The following GRPEL1 variants were observed in gnomAD, a reference collection of about 807,000 sequenced individuals.
The protein encoded by GRPEL1 is grpE protein homolog 1, mitochondrial.
In GRPEL1, 13 loss-of-function variants were observed where a neutral mutation model predicts 22.1. The ratio of observed to expected loss-of-function variants is 0.59; its 90% CI spans 0.38 to 0.94. The LOEUF is 0.94. GRPEL1 is among the 40% of genes least tolerant of loss of function. GRPEL1 has a pLI of 0.00. For synonymous variants in GRPEL1, 109 were observed against 105.3 expected, an observed-to-expected ratio of 1.03 and a Z score of -0.21; for missense variants, 289 against 264.6, an observed-to-expected ratio of 1.09 and a Z score of -0.64.
At chr4:7,065,177 G>A (rs187618621) in intron 1 of GRPEL1, among the ~76,000 whole-genome samples, 189 of 151,944 alleles carry the variant, frequency 1.2e-3, no homozygotes, top group African/African-American at 4.4e-3. Flanking sequence ...CAGAGATCTT[G>A]CAAAAAAAAG....
intron 1 of GRPEL1, among the ~76,000 whole-genome samples, chr4:7,065,999 G>A (rs1479040023): frequency 2.0e-5 from 3 of 152,016 alleles, no homozygotes; most frequent in South Asian, 2.1e-4. Context: ...GACTATAGGC[G>A]TCCACCAACA....
At chr4:7,062,020 TAACAAA>T (rs1399328748) in intron 3 of GRPEL1, 3 of 156,588 alleles carry the variant, frequency 1.9e-5, no homozygotes, top group Non-Finnish European at 2.8e-5. Flanking sequence ...GGAAGGACAG[TAACAAA>T]AACATCCAAA....
intron 1 of GRPEL1, among the ~76,000 whole-genome samples, chr4:7,066,254 C>G (rs1325556885): frequency 6.6e-6 from 1 of 152,220 alleles, no homozygotes; most frequent in African/African-American, 2.4e-5. Context: ...TTTATTGCAG[C>G]ACTGCGAGCG....
At position 7,064,202 on chromosome 4, in the gene GRPEL1, G is replaced by A. The variant is rs771616178; in HGVS notation, c.84C>T (p.Cys28=). The A allele has an allele frequency of 6.2e-7, 1 of 1,613,636 alleles. No individual in the cohort carries two copies. Among genetic ancestry groups the A allele is most frequent in the Non-Finnish European group, 8.5e-7 (1 of 1,179,732 alleles). The change falls in exon 2 of 4, where the codon TGC becomes TGT. Residue 28 remains cysteine, a synonymous_variant. Coordinates refer to ENST00000264954, the MANE Select transcript of GRPEL1 (RefSeq NM_025196.4). ...CACTGTTCTTTTGTTTCGTGGCTGT[G>A]CACAACAACCGGGGAGATGGCCTAC... The part of the protein sequence containing the change: ...LSLRPSPRLL[C]TATKQKNSGQ...
At chr4:7,066,855 T>C (rs140276717) in intron 1 of GRPEL1, among the ~76,000 whole-genome samples, 71 of 152,370 alleles carry the variant, frequency 4.7e-4, no homozygotes, top group African/African-American at 1.6e-3. Context: ...CTTTCCCTAG[T>C]TGAGCATCTT....
intron 2 of GRPEL1, 21 bp from the exon 3 acceptor site, chr4:7,062,487 T>G (rs9291128): frequency 0.91 from 902,578 of 988,970 alleles, 414,317 homozygotes; most frequent in South Asian, 0.95. Context: ...AAAAAAGGGA[T>G]ATTTATATAT....
chr4:7,064,789 G>A (rs3857178), intron 1 of GRPEL1, among the ~76,000 whole-genome samples: 106,096 of 152,050 alleles, frequency 0.7, 38,172 homozygotes, highest in South Asian at 0.81. Flanking sequence ...GTGAGCCACC[G>A]CGCCTGGCCT....
Position 7,059,212 on chromosome 4 carries a change from T to G in GRPEL1, c.*1650A>C, listed in dbSNP as rs1050535582. On this transcript the variant is annotated 3_prime_UTR_variant, in exon 4 of 4. Coordinates refer to ENST00000264954, the MANE Select transcript of GRPEL1 (RefSeq NM_025196.4). ...TTGAAACAATTCTGGTTCTAAGCAT[T>G]TCAGATGATAACCAACTTATAGTGA... 2.0e-5 allele frequency: 3 copies of G among 152,190 alleles called. No individual in the cohort carries two copies. The highest frequency in any genetic ancestry group is 2.0e-4 in the Admixed American group (3 of 15,292). The allele number at this position is 152,190 out of a possible 1,614,324, so 9.4% of individuals were successfully genotyped here. A position where few individuals can be genotyped will look rare whatever the true frequency, so the allele number is the denominator to read the frequency against.
At position 7,059,908 on chromosome 4, in the gene GRPEL1, G is replaced by A. The variant is rs1388801541; in HGVS notation, c.*954C>T. ...TGTGGCTCTCCCTTTCTGTGTAGAAGCCTGTATATGTGTGTACGTGAATGT... is the reference window on the plus strand; with the variant it reads ...TGTGGCTCTCCCTTTCTGTGTAGAAACCTGTATATGTGTGTACGTGAATGT... On this transcript the variant is annotated 3_prime_UTR_variant, in exon 4 of 4. Transcript: ENST00000264954. The A allele has an allele frequency of 1.3e-5, 2 of 152,184 alleles. No individual in the cohort carries two copies. The highest frequency in any genetic ancestry group is 2.9e-5 in the Non-Finnish European group (2 of 68,030). 9.4% of individuals were successfully genotyped at this position (152,184 alleles called of 1,614,324 possible). A position where few individuals can be genotyped will look rare whatever the true frequency, so the allele number is the denominator to read the frequency against.
intron 2 of GRPEL1, 116 bp downstream of exon 2, chr4:7,063,945 G>A: frequency 8.2e-7 from 1 of 1,219,104 alleles, no homozygotes; most frequent in South Asian, 1.7e-5. Context: ...GCAGGCCATG[G>A]ACAACGGCTT....
rs1724102499 is a variant in GRPEL1 at position 7,064,066 on chromosome 4, T to C, written c.220A>G (p.Thr74Ala). The C allele has an allele frequency of 6.2e-7, 1 of 1,613,922 alleles. No individual in the cohort carries two copies. The highest frequency in any genetic ancestry group is 8.5e-7 in the Non-Finnish European group (1 of 1,179,906). Residue 74 changes from threonine (T) to alanine (A), a missense_variant, in exon 2 of 4, where the codon ACT becomes GCT. Coordinates refer to ENST00000264954, the MANE Select transcript of GRPEL1 (RefSeq NM_025196.4). The stretch of plus-strand genomic sequence containing the variant: ...AGGAGCCTCACAGTCCTCACCACAG[T>C]CTCCTTCAGCTGTTCCTCCAACTTG... The part of the protein sequence containing the change: ...KVKLEEQLKE[T>A]VEKYKRALAD...
intron 1 of GRPEL1, among the ~76,000 whole-genome samples, chr4:7,065,922 C>T (rs1174235066): frequency 2.7e-5 from 4 of 149,366 alleles, no homozygotes; most frequent in East Asian, 2.0e-4. Context: ...GGTGCCATCT[C>T]GGCTCACTGC....
rs1183564194 is a variant in GRPEL1, at chr4:7,059,035, G to A, written c.*1827C>T. The A allele has an allele frequency of 1.3e-5, 2 of 152,194 alleles. No individual in the cohort carries two copies. 9.4% of individuals were successfully genotyped at this position (152,194 alleles called of 1,614,324 possible). A position where few individuals can be genotyped will look rare whatever the true frequency, so the allele number is the denominator to read the frequency against. ...CAGGCTACATACACCATATAGCCTA[G>A]GTGTGGAGGAGGCTCCACCACCTGT... On this transcript the variant is annotated 3_prime_UTR_variant, in exon 4 of 4. Coordinates refer to ENST00000264954, the MANE Select transcript of GRPEL1 (RefSeq NM_025196.4).
intron 2 of GRPEL1, 56 bp downstream of exon 2, chr4:7,064,005 C>T (rs1363310618): frequency 1.9e-6 from 3 of 1,565,246 alleles, no homozygotes; most frequent in African/African-American, 1.4e-5. Flanking sequence ...TTTATGTGGC[C>T]CAGGAGAGAA....
chr4:7,062,468 TAA>T lies in GRPEL1; in HGVS notation c.226-4_226-3del, dbSNP rs753656407. 229 of 1,447,784 alleles carry T rather than the reference TAA, an allele frequency of 1.6e-4. No individual in the cohort carries two copies. Among genetic ancestry groups the T allele is most frequent in the Non-Finnish European group, 2.0e-4 (215 of 1,072,776 alleles). 89.7% of individuals were successfully genotyped at this position (1,447,784 alleles called of 1,614,324 possible). On this transcript the variant is annotated splice_polypyrimidine_tract_variant and splice_region_variant and intron_variant, in intron 2 of 3. Transcript: ENST00000264954. ...TGCCAAAGCTCGTTTATATTTTTCC[TAA>T]AAGAGAAAAAAAGGGATATTTATAT... is the stretch of plus-strand genomic sequence containing the variant.
In GRPEL1 at chr4:7,064,053, G is replaced by A; in HGVS notation, c.225+8C>T. On this transcript the variant is annotated splice_region_variant and intron_variant, in intron 2 of 3. Transcript: ENST00000264954. ...AGCCCGCCCCCACAGGAGCCTCACA[G>A]TCCTCACCACAGTCTCCTTCAGCTG... 1 of 1,613,306 alleles carries A rather than the reference G, an allele frequency of 6.2e-7. No homozygotes were observed.
rs1020073269 is a variant in GRPEL1, at chr4:7,063,950, C to T, written c.225+111G>A. ...TGGGCCCACTGCAGGCCATGGACAA[C>T]GGCTTAACTCTGGCTTTAGTCTGTC... On this transcript the variant is annotated intron_variant, in intron 2 of 3. Coordinates refer to ENST00000264954, the MANE Select transcript of GRPEL1 (RefSeq NM_025196.4). 97 of 1,260,144 alleles carry T rather than the reference C, an allele frequency of 7.7e-5. 2 individuals are homozygous for T. Among genetic ancestry groups the T allele is most frequent in the South Asian group, 5.8e-4 (35 of 60,334 alleles). 78.1% of individuals were successfully genotyped at this position (1,260,144 alleles called of 1,614,324 possible). A position where few individuals can be genotyped will look rare whatever the true frequency, so the allele number is the denominator to read the frequency against.
At chr4:7,062,087 C>G (rs1407466830) in intron 3 of GRPEL1, 11 of 206,360 alleles carry the variant, frequency 5.3e-5, no homozygotes, top group Non-Finnish European at 1.1e-4. Context: ...GCCAGTGTTA[C>G]TTCCGGAGGG....
chr4:7,063,938 G>C (rs1724099657), intron 2 of GRPEL1, 123 bp downstream of exon 2: 1 of 1,117,694 alleles, frequency 8.9e-7, no homozygotes, highest in South Asian at 1.8e-5. Context: ...GCCCACTGCA[G>C]GCCATGGACA....
Sources: gnomAD v4.1 joint callset for allele counts (sites outside exome capture counted in the v4.1 genomes callset) on GRCh38, gnomAD v4.1.1 for gene constraint, MANE v1.5 for transcripts, NCBI Gene and HGNC (gene_info 2026-07-23, HGNC 2026-07-21) for gene names.